Variants in KCTD20 observed in about 807,000 individuals in gnomAD.
The protein encoded by KCTD20 is BTB/POZ domain-containing protein KCTD20.
KCTD20 carries 30 observed loss-of-function variants against 39.6 expected under a neutral mutation model. The ratio of observed to expected loss-of-function variants is 0.76; its 90% confidence interval spans 0.57 to 1.03. The LOEUF (loss-of-function observed/expected upper bound fraction) is 1.03. Among genes scored for constraint, KCTD20 ranks in the 50% least tolerant of loss-of-function variants. The pLI, the probability that KCTD20 is intolerant of heterozygous loss-of-function variation, is 0.00. For synonymous variants in KCTD20, 162 were observed against 180.6 expected (o/e 0.90, Z 0.83); for missense variants, 422 against 522.0 (o/e 0.81, Z 1.87).
rs1377281165 is a variant in KCTD20 at position 36,488,986 on chromosome 6, A to G, written c.*1811A>G. 6.5e-6 allele frequency: 1 copy of G among 152,672 alleles called. No individual in the cohort carries two copies. Among genetic ancestry groups the G allele is most frequent in the Non-Finnish European group, 1.5e-5 (1 of 68,040 alleles). The allele number at this position is 152,672 out of a possible 1,614,324, so 9.5% of individuals were successfully genotyped here. A position where few individuals can be genotyped will look rare whatever the true frequency, so the allele number is the denominator to read the frequency against. ...AAGGGTTAGGATTATTTGTAGCTAG[A>G]AGGTAATTTTATTTCTGTGAAACTA... On this transcript the variant is annotated 3_prime_UTR_variant, in exon 8 of 8. Coordinates refer to ENST00000373731, the MANE Select transcript of KCTD20 (RefSeq NM_173562.5).
At chr6:36,465,390 T>C (rs74603751) in intron 1 of KCTD20, among the ~76,000 whole-genome samples, 1 of 150,528 alleles carries the variant, frequency 6.6e-6, no homozygotes, top group Non-Finnish European at 1.5e-5. Flanking sequence ...TTTTTTTGTT[T>C]TTTTTTTTTT....
At chr6:36,463,528 A>G (rs1389388512) in intron 1 of KCTD20, among the ~76,000 whole-genome samples, 1 of 152,234 alleles carries the variant, frequency 6.6e-6, no homozygotes, top group Non-Finnish European at 1.5e-5. Context: ...TATGGTTTGA[A>G]TGTATATGTC....
chr6:36,449,079 G>C (rs1775148732), intron 1 of KCTD20, among the ~76,000 whole-genome samples: 1 of 152,210 alleles, frequency 6.6e-6, no homozygotes, highest in Non-Finnish European at 1.5e-5. Flanking sequence ...GACTTATTGT[G>C]AGGAGCGAAA....
intron 1 of KCTD20, among the ~76,000 whole-genome samples, chr6:36,468,401 A>G (rs1775822449): frequency 6.6e-6 from 1 of 152,252 alleles, no homozygotes; most frequent in African/African-American, 2.4e-5. Context: ...GGCTCAGTCA[A>G]GCTTATTGTG....
chr6:36,466,198 G>A (rs1476827275), intron 1 of KCTD20, among the ~76,000 whole-genome samples: 1 of 151,570 alleles, frequency 6.6e-6, no homozygotes, highest in Non-Finnish European at 1.5e-5. Context: ...GAGTAGCTGG[G>A]ACTACAGGTG....
At chr6:36,482,935 G>A (rs1409316683) in intron 6 of KCTD20, among the ~76,000 whole-genome samples, 9 of 125,006 alleles carry the variant, frequency 7.2e-5, no homozygotes, top group Non-Finnish European at 1.4e-4. Flanking sequence ...GACAGAGCAA[G>A]ACTACGTCTC....
At chr6:36,458,131 C>T (rs1775491838) in intron 1 of KCTD20, among the ~76,000 whole-genome samples, 1 of 152,168 alleles carries the variant, frequency 6.6e-6, no homozygotes, top group Non-Finnish European at 1.5e-5. Flanking sequence ...TGGCTCACTG[C>T]AGTCTCAACC....
At position 36,446,473 on chromosome 6, in the gene KCTD20, T is replaced by C. The variant is rs565309925; in HGVS notation, c.-47+3362T>C. On this transcript the variant is annotated intron_variant, in intron 1 of 7. Transcript: ENST00000373731. ...TAACTATTGTCCTTATCAAACTTAT[T>C]AGGTACCTCTGTGATAGAATTTAAG... Among the ~76,000 whole-genome samples, 32 of 152,326 alleles carry C rather than the reference T, an allele frequency of 2.1e-4. No homozygotes were observed. The South Asian group carries it at 6.4e-3, about 31-fold the overall frequency.
At position 36,486,918 on chromosome 6, in the gene KCTD20, C is replaced by G. The variant is rs1177581035; in HGVS notation, c.1003C>G (p.Pro335Ala). 1 of 1,613,590 alleles carries G rather than the reference C, an allele frequency of 6.2e-7. No homozygotes were observed. The highest frequency in any genetic ancestry group is 8.5e-7 in the Non-Finnish European group (1 of 1,179,880). The stretch of plus-strand genomic sequence containing the variant: ...CTGTAAAGAAAAAATTAAGAGAAGG[C>G]CTGGCGGCCGGTCTGAAGTCATCTA... ...PTCKEKIKRR[P>A]GGRSEVIYNY... is the part of the protein sequence containing the mutation. The change falls in exon 8 of 8, where the codon CCT (proline) becomes GCT (alanine). Residue 335 changes from proline to alanine, a missense_variant. Coordinates refer to ENST00000373731, the MANE Select transcript of KCTD20 (RefSeq NM_173562.5).
At chr6:36,464,401 C>T (rs1775682182) in intron 1 of KCTD20, among the ~76,000 whole-genome samples, 1 of 152,184 alleles carries the variant, frequency 6.6e-6, no homozygotes, top group Non-Finnish European at 1.5e-5. Context: ...TTACTACAGC[C>T]TTGACCTCCC....
At chr6:36,465,262 C>G (rs886429990) in intron 1 of KCTD20, among the ~76,000 whole-genome samples, 1 of 147,464 alleles carries the variant, frequency 6.8e-6, no homozygotes, top group Non-Finnish European at 1.5e-5. Context: ...TACCACTGCA[C>G]TCCAGCCTGG....
intron 1 of KCTD20, among the ~76,000 whole-genome samples, chr6:36,463,834 A>G (rs957998128): frequency 2.0e-5 from 3 of 152,228 alleles, no homozygotes; most frequent in African/African-American, 4.8e-5. Flanking sequence ...ATAGCAGCAC[A>G]AATGGACTAA....
At chr6:36,455,747 T>C (rs1775415432) in intron 1 of KCTD20, among the ~76,000 whole-genome samples, 1 of 152,200 alleles carries the variant, frequency 6.6e-6, no homozygotes, top group Non-Finnish European at 1.5e-5. Context: ...ACCTCTAGGA[T>C]AGGAGCAAAA....
chr6:36,473,030 G>A (rs1189583488), intron 2 of KCTD20, among the ~76,000 whole-genome samples: 1 of 150,540 alleles, frequency 6.6e-6, no homozygotes, highest in Non-Finnish European at 1.5e-5. Flanking sequence ...CCTCCTGATA[G>A]CTGGAATTAC....
intron 6 of KCTD20, 120 bp downstream of exon 6, chr6:36,481,879 G>A: frequency 1.2e-6 from 1 of 809,156 alleles, no homozygotes; most frequent in Non-Finnish European, 2.0e-6. Context: ...ACACTCACCT[G>A]GATGACAAAT....
intron 2 of KCTD20, among the ~76,000 whole-genome samples, chr6:36,472,399 C>G (rs551246892): frequency 2.9e-4 from 44 of 152,306 alleles, no homozygotes; most frequent in Non-Finnish European, 1.6e-4. Context: ...TAAGTGTCCT[C>G]TACCCAACAA....
At chr6:36,460,323 T>C (rs571614209) in intron 1 of KCTD20, among the ~76,000 whole-genome samples, 1 of 125,978 alleles carries the variant, frequency 7.9e-6, no homozygotes, top group South Asian at 2.5e-4. Flanking sequence ...CTCTTTTTTT[T>C]TCCCGAGACT....
At chr6:36,480,409 CCTT>C (rs1431828370) in intron 5 of KCTD20, among the ~76,000 whole-genome samples, 6 of 139,554 alleles carry the variant, frequency 4.3e-5, no homozygotes, top group Non-Finnish European at 9.1e-5. Context: ...CATGATATTG[CCTT>C]TTTTTTTTTT....
intron 1 of KCTD20, among the ~76,000 whole-genome samples, chr6:36,454,509 T>G (rs1206428705): frequency 6.6e-6 from 1 of 151,880 alleles, no homozygotes; most frequent in African/African-American, 2.4e-5. Context: ...ACCCGGCTAA[T>G]TTTTGTGATT....
Sources: gnomAD v4.1 joint callset for allele counts (sites outside exome capture counted in the v4.1 genomes callset) on GRCh38, gnomAD v4.1.1 for gene constraint, MANE v1.5 for transcripts, NCBI Gene and HGNC (gene_info 2026-07-23, HGNC 2026-07-21) for gene names.